PCDHGB6: variants seen among roughly 807,000 people sequenced by gnomAD.
PCDHGB6 encodes protocadherin gamma subfamily B, 6.
In PCDHGB6, 51 loss-of-function variants were observed where a neutral mutation model predicts 59.1. The ratio of observed to expected loss-of-function variants is 0.86; its 90% CI spans 0.69 to 1.09. PCDHGB6 has a LOEUF of 1.09. Ranked by LOEUF, PCDHGB6 falls within the 50% of genes least tolerant of loss-of-function variation. The pLI, the probability that PCDHGB6 is intolerant of heterozygous loss-of-function variation, is 0.00. For synonymous variants in PCDHGB6, 466 were observed against 495.1 expected, an observed-to-expected ratio of 0.94 and a Z score of 0.78; for missense variants, 1,148 against 1,205.1, an observed-to-expected ratio of 0.95 and a Z score of 0.70.
chr5:141,427,912 A>T (rs1268491054), intron 1 of PCDHGB6: 2 of 1,577,806 alleles, frequency 1.3e-6, no homozygotes, highest in Admixed American at 3.3e-5. Flanking sequence ...CTCAGCGCCA[A>T]CATGAGCCGG....
In PCDHGB6 at chr5:141,409,794, C is replaced by T. The variant is rs1345529657; in HGVS notation, c.1592C>T (p.Thr531Met). 1.9e-6 allele frequency: 3 copies of T among 1,611,732 alleles called. No individual in the cohort carries two copies. The highest frequency in any genetic ancestry group is 1.1e-5 in the South Asian group (1 of 90,910). The change falls in exon 1 of 4, where the codon ACG becomes ATG. Residue 531 changes from threonine (T) to methionine (M), a missense_variant. Coordinates refer to ENST00000520790, the MANE Select transcript of PCDHGB6 (RefSeq NM_018926.3). ...GAGCAGCTGCGCGCCTTCGCGCTCACGCTGCAGGCCCGCGACCACGGCTCG... is the reference window on the plus strand; with the variant it reads ...GAGCAGCTGCGCGCCTTCGCGCTCATGCTGCAGGCCCGCGACCACGGCTCG... ...DHEQLRAFAL[T>M]LQARDHGSPT...
chr5:141,414,822 C>G, intron 1 of PCDHGB6: 3 of 1,614,240 alleles, frequency 1.9e-6, no homozygotes, highest in Non-Finnish European at 2.5e-6. Flanking sequence ...TCAGCAGCAA[C>G]GTGTCGTTGA....
Position 141,409,505 on chromosome 5 carries a change from A to G in PCDHGB6, c.1303A>G (p.Ser435Gly), listed in dbSNP as rs1361558030. 5.6e-6 allele frequency: 9 copies of G among 1,614,036 alleles called. No homozygotes were observed. In the Middle Eastern group the frequency reaches 4.9e-4, roughly 89 times the overall value. The change falls in exon 1 of 4, where the codon AGT becomes GGT. Residue 435 changes from serine (S) to glycine (G), a missense_variant. Ser to Gly is a moderately conservative substitution (Grantham distance 56). Coordinates refer to ENST00000520790, the MANE Select transcript of PCDHGB6 (RefSeq NM_018926.3). Reference sequence around the variant, plus strand: ...CAGGGGCAAGCCGCCTCTTTCTTCCAGTAGAAGCATCACCTTGTATGTCGC... The same window carrying G: ...CAGGGGCAAGCCGCCTCTTTCTTCCGGTAGAAGCATCACCTTGTATGTCGC... ...TDRGKPPLSS[S>G]RSITLYVADI...
chr5:141,503,812 G>C (rs2099831825), intron 2 of PCDHGB6, among the ~76,000 whole-genome samples: 1 of 152,114 alleles, frequency 6.6e-6, no homozygotes, highest in South Asian at 2.1e-4. Context: ...GGGAATCCCA[G>C]ATTGGGCAAA....
At chr5:141,418,882 C>T (rs945382775) in intron 1 of PCDHGB6, 8 of 1,613,960 alleles carry the variant, frequency 5.0e-6, no homozygotes, top group Admixed American at 1.7e-5. Flanking sequence ...TAGACGAAAA[C>T]GACAACAGCC....
At position 141,413,133 on chromosome 5, in the gene PCDHGB6, C is replaced by T. The variant is rs765215473; in HGVS notation, c.2418+2513C>T. The stretch of plus-strand genomic sequence containing the variant: ...CAAAGGAACCGGTTGAAACACACAA[C>T]GTGTCCAGTGAGGACTTTGCAGAAT... On this transcript the variant is annotated intron_variant, in intron 1 of 3. Transcript: ENST00000520790. 1.1e-5 allele frequency: 17 copies of T among 1,542,110 alleles called. No individual in the cohort carries two copies. In the East Asian group the frequency reaches 3.2e-4, roughly 29 times the overall value.
chr5:141,467,769 G>A (rs573567102), intron 1 of PCDHGB6, among the ~76,000 whole-genome samples: 9 of 151,590 alleles, frequency 5.9e-5, no homozygotes, highest in East Asian at 3.9e-4. Flanking sequence ...TCAAGTGCCC[G>A]CACCTCAGCC....
chr5:141,435,890 A>G (rs2097784923), intron 1 of PCDHGB6, among the ~76,000 whole-genome samples: 1 of 152,176 alleles, frequency 6.6e-6, no homozygotes, highest in Non-Finnish European at 1.5e-5. Context: ...AACCCCTTAG[A>G]GAATGAAAGA....
At position 141,430,258 on chromosome 5, in the gene PCDHGB6, A is replaced by G. The variant is rs542653323; in HGVS notation, c.2418+19638A>G. On this transcript the variant is annotated intron_variant, in intron 1 of 3. Coordinates refer to ENST00000520790, the MANE Select transcript of PCDHGB6 (RefSeq NM_018926.3). ...GAGAAACTCCTAGGGAGACATCTCC[A>G]TAATAGGTGTGTTGGGGGAACAGTA... is the stretch of plus-strand genomic sequence containing the variant. Among the ~76,000 whole-genome samples the G allele has an allele frequency of 5.4e-5, 8 of 148,074 alleles. No homozygotes were observed. In the South Asian group the frequency reaches 8.5e-4, roughly 16 times the overall value.
chr5:141,487,475 C>T lies in PCDHGB6; in HGVS notation c.2419-7332C>T, dbSNP rs781308835. On this transcript the variant is annotated intron_variant, in intron 1 of 3. Coordinates refer to ENST00000520790, the MANE Select transcript of PCDHGB6 (RefSeq NM_018926.3). The surrounding 1 kb of genome is among the most constrained non-coding windows in gnomAD (Gnocchi z 5.0). ...TATCAAGTTTGTTGATGTGGGAGGC[C>T]ACTCTCATGGCTGTACACCCTTGGC... 1.2e-6 allele frequency: 2 copies of T among 1,614,156 alleles called. No homozygotes were observed. Among genetic ancestry groups the T allele is most frequent in the South Asian group, 1.1e-5 (1 of 91,080 alleles).
chr5:141,425,394 G>C (rs186813737), intron 1 of PCDHGB6, among the ~76,000 whole-genome samples: 2 of 152,184 alleles, frequency 1.3e-5, no homozygotes, highest in Non-Finnish European at 2.9e-5. Context: ...TAGTGATAAA[G>C]TTCTGTTAAG....
At chr5:141,413,070 T>G (rs990993849) in intron 1 of PCDHGB6, 1 of 1,195,014 alleles carries the variant, frequency 8.4e-7, no homozygotes, top group African/African-American at 1.5e-5. Context: ...GAATTTAAAG[T>G]GCCCAGGCTA....
At chr5:141,470,124 G>A (rs1038487398) in intron 1 of PCDHGB6, among the ~76,000 whole-genome samples, 4 of 151,358 alleles carry the variant, frequency 2.6e-5, no homozygotes, top group African/African-American at 9.7e-5. Flanking sequence ...GCAAGACTTC[G>A]TCTCAAAAAA....
At chr5:141,418,287 G>C in intron 1 of PCDHGB6, 1 of 1,614,020 alleles carries the variant, frequency 6.2e-7, no homozygotes, top group South Asian at 1.1e-5. Context: ...TTAGAAATCA[G>C]TGAATCCGTC....
intron 1 of PCDHGB6, among the ~76,000 whole-genome samples, chr5:141,445,609 T>A (rs900534761): frequency 1.3e-5 from 2 of 152,220 alleles, no homozygotes; most frequent in African/African-American, 4.8e-5. Flanking sequence ...CAAGGAAGGC[T>A]TTCTTTTTTT....
At chr5:141,421,069 AGATG>A in intron 1 of PCDHGB6, 1 of 598,532 alleles carries the variant, frequency 1.7e-6, no homozygotes, top group Non-Finnish European at 2.8e-6. Context: ...AAGCGGAATG[AGATG>A]GATACTCACA....
At position 141,486,108 on chromosome 5, in the gene PCDHGB6, G is replaced by A. The variant is rs1184123075; in HGVS notation, c.2419-8699G>A. ...CTTTTGGGGCCCCTAGACTTTGAGA[G>A]TGAGAATTACTATGAATTTGATGTG... On this transcript the variant is annotated intron_variant, in intron 1 of 3. Coordinates refer to ENST00000520790, the MANE Select transcript of PCDHGB6 (RefSeq NM_018926.3). The surrounding 1 kb of genome is among the most constrained non-coding windows in gnomAD (Gnocchi z 5.0). 6 of 1,614,206 alleles carry A rather than the reference G, an allele frequency of 3.7e-6. No individual in the cohort carries two copies. Among genetic ancestry groups the A allele is most frequent in the South Asian group, 3.3e-5 (3 of 91,084 alleles).
At position 141,434,489 on chromosome 5, in the gene PCDHGB6, C is replaced by G. The variant is rs921000136; in HGVS notation, c.2418+23869C>G. On this transcript the variant is annotated intron_variant, in intron 1 of 3. Coordinates refer to ENST00000520790, the MANE Select transcript of PCDHGB6 (RefSeq NM_018926.3). ...GAATGAGGGCAAGGAACACCTGGCC[C>G]GCCCAGGGCAGAAAACTGCTTAAAG... Among the ~76,000 whole-genome samples, 8 of 152,158 alleles carry G rather than the reference C, an allele frequency of 5.3e-5. 1 individual carries two copies. The highest frequency in any genetic ancestry group is 2.6e-4 in the Admixed American group (4 of 15,284).
chr5:141,419,447 C>T (rs754931078), intron 1 of PCDHGB6: 8 of 1,613,016 alleles, frequency 5.0e-6, no homozygotes, highest in Non-Finnish European at 4.2e-6. Flanking sequence ...CACCTTCGAG[C>T]TCACGCTGCA....
Sources: gnomAD v4.1 joint callset for allele counts (sites outside exome capture counted in the v4.1 genomes callset) on GRCh38, gnomAD v4.1.1 for gene constraint, Gnocchi (gnomAD v3.1) non-coding constraint, MANE v1.5 for transcripts, NCBI Gene and HGNC (gene_info 2026-07-23, HGNC 2026-07-21) for gene names.